The following PSMD14 variants were observed in gnomAD, a reference collection of about 807,000 sequenced individuals.
The protein encoded by PSMD14 is ubiquitin C-terminal hydrolase PSMD14.
PSMD14 carries 7 observed loss-of-function variants against 41.2 expected under a neutral mutation model. That is an observed-to-expected ratio of 0.17 (90% confidence interval 0.10 to 0.32). The LOEUF (loss-of-function observed/expected upper bound fraction) is 0.32, where lower values mean the gene tolerates loss of function less well. Ranked by LOEUF, PSMD14 falls within the 10% of genes least tolerant of loss-of-function variation. The probability of loss-of-function intolerance (pLI) is 1.00; values close to 1 mark genes in which losing one functional copy is unlikely to be tolerated. For missense variants in PSMD14, 139 were observed against 375.6 expected, an observed-to-expected ratio of 0.37 and a Z score of 5.21; for synonymous variants, 114 against 122.3, an observed-to-expected ratio of 0.93 and a Z score of 0.45.
chr2:161,354,509 C>CTTACT (rs66854446), intron 3 of PSMD14, among the ~76,000 whole-genome samples: 232 of 2,408 alleles, frequency 0.096, no homozygotes, highest in Non-Finnish European at 0.15. Flanking sequence ...GTGCTTGGTC[C>CTTACT]TTGTTGCAGT....
At chr2:161,328,990 G>GT (rs1198437901) in intron 3 of PSMD14, among the ~76,000 whole-genome samples, 2 of 152,178 alleles carry the variant, frequency 1.3e-5, no homozygotes, top group Admixed American at 6.5e-5. Flanking sequence ...TTTTTTAGTA[G>GT]TTTTTTAATG....
At chr2:161,374,277 C>T (rs1460321861) in intron 7 of PSMD14, among the ~76,000 whole-genome samples, 1 of 151,894 alleles carries the variant, frequency 6.6e-6, no homozygotes, top group African/African-American at 2.4e-5. Flanking sequence ...CTAAGTTTTC[C>T]ATAGTTTTCT....
At chr2:161,407,909 C>T (rs1683973758) in intron 10 of PSMD14, 1 of 151,874 alleles carries the variant, frequency 6.6e-6, no homozygotes, top group Admixed American at 6.6e-5. Flanking sequence ...AGAGTCTTGT[C>T]TTCAGGCCAT....
intron 10 of PSMD14, 59 bp downstream of exon 10, chr2:161,395,262 C>A: frequency 1.5e-6 from 2 of 1,353,080 alleles, no homozygotes; most frequent in South Asian, 1.4e-5. Context: ...TGATTAGATG[C>A]CAAGCATTGT....
chr2:161,331,328 T>C (rs897723448), intron 3 of PSMD14, among the ~76,000 whole-genome samples: 2 of 152,016 alleles, frequency 1.3e-5, no homozygotes, highest in African/African-American at 4.8e-5. Context: ...GGTGGTGCGA[T>C]CTCGGCTCAG....
At chr2:161,352,971 G>A (rs1444284412) in intron 3 of PSMD14, among the ~76,000 whole-genome samples, 1 of 152,038 alleles carries the variant, frequency 6.6e-6, no homozygotes, top group Non-Finnish European at 1.5e-5. Context: ...TCCCAGACTT[G>A]AACTCTGTGT....
chr2:161,389,879 C>CTTTTTTTTTTTTTTT (rs1470566207), intron 8 of PSMD14, among the ~76,000 whole-genome samples: 1 of 19,414 alleles, frequency 5.2e-5, no homozygotes, highest in African/African-American at 1.8e-4. Flanking sequence ...TATTTTCTTT[C>CTTTTTTTTTTTTTTT]TTTTTTGTTG....
intron 3 of PSMD14, among the ~76,000 whole-genome samples, chr2:161,361,326 C>T (rs1276643549): frequency 6.6e-6 from 1 of 152,102 alleles, no homozygotes; most frequent in Admixed American, 6.5e-5. Context: ...TGTAATAGTT[C>T]ATCTAGTCTC....
chr2:161,344,474 T>G (rs1683012994), intron 3 of PSMD14, among the ~76,000 whole-genome samples: 2 of 152,222 alleles, frequency 1.3e-5, no homozygotes, highest in Admixed American at 1.3e-4. Flanking sequence ...CCACCCTGGA[T>G]GTCAACATAT....
chr2:161,383,115 C>A (rs1437783589), intron 7 of PSMD14: 1 of 151,690 alleles, frequency 6.6e-6, no homozygotes, highest in Non-Finnish European at 1.5e-5. Context: ...GCGCACTGGA[C>A]ATTAATGAGT....
intron 9 of PSMD14, among the ~76,000 whole-genome samples, chr2:161,392,013 C>G (rs183309340): frequency 2.6e-5 from 4 of 152,180 alleles, no homozygotes; most frequent in South Asian, 2.1e-4. Context: ...CATTTTATAC[C>G]AGTTTTCAAG....
intron 9 of PSMD14, among the ~76,000 whole-genome samples, chr2:161,392,908 T>C (rs1683732824): frequency 6.6e-6 from 1 of 152,230 alleles, no homozygotes; most frequent in African/African-American, 2.4e-5. Flanking sequence ...TTTGGAAATG[T>C]CTAGCTAATT....
At chr2:161,338,203 C>A (rs7589726) in intron 3 of PSMD14, among the ~76,000 whole-genome samples, 139,026 of 152,290 alleles carry the variant, frequency 0.91, 63,510 homozygotes, top group East Asian at 1. Flanking sequence ...AATTTCTCTC[C>A]AAGAATCCTT....
chr2:161,408,559 A>G (rs1683984485), intron 10 of PSMD14: 1 of 360,058 alleles, frequency 2.8e-6, no homozygotes, highest in Admixed American at 4.3e-5. Context: ...GAATTCAGTA[A>G]CAGTTTGCAA....
intron 7 of PSMD14, among the ~76,000 whole-genome samples, chr2:161,379,749 A>G (rs1683550648): frequency 6.6e-6 from 1 of 152,060 alleles, no homozygotes; most frequent in Admixed American, 6.6e-5. Flanking sequence ...AGGGTTGACC[A>G]TGCAAAGGAG....
At chr2:161,325,794 G>A (rs1682686466) in intron 3 of PSMD14, among the ~76,000 whole-genome samples, 1 of 152,100 alleles carries the variant, frequency 6.6e-6, no homozygotes. Flanking sequence ...ATATATTGTT[G>A]CAGAGATAAT....
intron 3 of PSMD14, among the ~76,000 whole-genome samples, chr2:161,335,672 T>C (rs1682858896): frequency 6.6e-6 from 1 of 152,254 alleles, no homozygotes; most frequent in Non-Finnish European, 1.5e-5. Flanking sequence ...ACAAACCGTG[T>C]TGTAGTAAAT....
chr2:161,410,819 C>A (rs903142058), intron 11 of PSMD14, among the ~76,000 whole-genome samples: 2 of 152,006 alleles, frequency 1.3e-5, no homozygotes, highest in Admixed American at 1.3e-4. Flanking sequence ...TAAAATTGTA[C>A]AGAATTCTGA....
chr2:161,350,484 T>A (rs1683102785), intron 3 of PSMD14, among the ~76,000 whole-genome samples: 1 of 152,226 alleles, frequency 6.6e-6, no homozygotes. Context: ...GTAATGGTTT[T>A]GAATAGTCTT....
Sources: gnomAD v4.1 joint callset for allele counts (sites outside exome capture counted in the v4.1 genomes callset) on GRCh38, gnomAD v4.1.1 for gene constraint, MANE v1.5 for transcripts, NCBI Gene and HGNC (gene_info 2026-07-23, HGNC 2026-07-21) for gene names.